Variants in CACNA1S observed in about 807,000 individuals in gnomAD.
CACNA1S encodes calcium voltage-gated channel subunit alpha1 S, also known as voltage-dependent L-type calcium channel subunit alpha-1S.
Under a neutral mutation model 207.4 loss-of-function variants are expected in CACNA1S, and 126 were observed. The observed-to-expected ratio is 0.61, with a 90% CI of 0.53 to 0.70. The LOEUF (loss-of-function observed/expected upper bound fraction) is 0.70, where lower values mean the gene tolerates loss of function less well. Among genes scored for constraint, CACNA1S ranks in the 30% least tolerant of loss-of-function variants. The pLI, the probability that CACNA1S is intolerant of heterozygous loss-of-function variation, is 0.00. For synonymous variants in CACNA1S, 960 were observed against 932.7 expected (o/e 1.03, Z -0.53); for missense variants, 2,349 against 2,422.8 (o/e 0.97, Z 0.64).
intron 33 of CACNA1S, 117 bp from the exon 34 acceptor site, chr1:201,050,633 C>A: frequency 8.3e-7 from 1 of 1,209,806 alleles, no homozygotes. Flanking sequence ...GCCCTTGATT[C>A]TAGCCCTTCT....
At chr1:201,061,044 TC>T (rs1480931674) in intron 25 of CACNA1S, among the ~76,000 whole-genome samples, 1 of 152,242 alleles carries the variant, frequency 6.6e-6, no homozygotes, top group Admixed American at 6.5e-5. Context: ...CTGAAGGGCT[TC>T]CTTTCTCTGG....
rs754689047 is a variant in CACNA1S, at chr1:201,083,208, G to A, written c.1347C>T (p.Ile449=). 33 of 1,614,088 alleles carry A rather than the reference G, an allele frequency of 2.0e-5. No homozygotes were observed. Among genetic ancestry groups the A allele is most frequent in the Admixed American group, 5.0e-5 (3 of 60,010 alleles). The stretch of plus-strand genomic sequence containing the variant: ...GAGGCTGGTTGTGGTGCTCTGAGGC[G>A]ATAGACAGGGTGTTGAGGGCAACGA... ...ILIVALNTLS[I]ASEHHNQPLW... is the part of the protein sequence containing the mutation. Residue 449 remains isoleucine, a synonymous_variant, in exon 10 of 44, where the codon ATC becomes ATT. Coordinates refer to ENST00000362061, the MANE Select transcript of CACNA1S (RefSeq NM_000069.3).
chr1:201,073,317 G>A (rs1661485373), intron 15 of CACNA1S, among the ~76,000 whole-genome samples: 1 of 146,570 alleles, frequency 6.8e-6, no homozygotes, highest in African/African-American at 2.5e-5. Context: ...AAGCTGCTAC[G>A]CTGGAGAAGT....
At chr1:201,089,200 T>C in intron 6 of CACNA1S, 58 bp downstream of exon 6, 1 of 1,558,074 alleles carries the variant, frequency 6.4e-7, no homozygotes, top group South Asian at 1.1e-5. Context: ...CCCTCCCCAC[T>C]CCCTTGCAAG....
chr1:201,077,159 G>A, intron 11 of CACNA1S, 32 bp from the exon 12 acceptor site: 7 of 1,583,556 alleles, frequency 4.4e-6, no homozygotes, highest in Non-Finnish European at 6.1e-6. Flanking sequence ...GGTGGGAGGA[G>A]ACAGACCCTC....
intron 2 of CACNA1S, among the ~76,000 whole-genome samples, chr1:201,100,053 G>A (rs547340924): frequency 6.6e-5 from 10 of 152,228 alleles, no homozygotes; most frequent in African/African-American, 2.4e-4. Flanking sequence ...TGAGACCCAG[G>A]GCCTGGGCAC....
In CACNA1S at chr1:201,066,635, G is replaced by A. The variant is rs192154366; in HGVS notation, c.2657+252C>T. 1.8e-4 allele frequency among the ~76,000 whole-genome samples: 27 copies of A among 152,298 alleles called. No homozygotes were observed. Among genetic ancestry groups the A allele is most frequent in the African/African-American group, 4.3e-4 (18 of 41,580 alleles). On this transcript the variant is annotated intron_variant, in intron 20 of 43. Transcript: ENST00000362061. The surrounding 1 kb of genome is among the most constrained non-coding windows in gnomAD (Gnocchi z 4.3). ...CAGGGGCTGTGCTCCCCACAGGGTC[G>A]GGGAGGGAGGGACCACTTCCTCCTC... is the stretch of plus-strand genomic sequence containing the variant.
chr1:201,103,675 C>T (rs1662763380), intron 2 of CACNA1S, among the ~76,000 whole-genome samples: 2 of 152,296 alleles, frequency 1.3e-5, no homozygotes, highest in South Asian at 4.2e-4. Context: ...CTCAAACCAC[C>T]CTGTGCTCTG....
At chr1:201,070,238 T>C in intron 17 of CACNA1S, 34 bp downstream of exon 17, 1 of 1,613,114 alleles carries the variant, frequency 6.2e-7, no homozygotes, top group Non-Finnish European at 8.5e-7. Flanking sequence ...GAGAGCCGCA[T>C]CAATCACCCC....
At position 201,084,934 on chromosome 1, in the gene CACNA1S, G is replaced by A. The variant is rs1661976464; in HGVS notation, c.1232+16C>T. 1 of 1,592,950 alleles carries A rather than the reference G, an allele frequency of 6.3e-7. No homozygotes were observed. Among genetic ancestry groups the A allele is most frequent in the Admixed American group, 1.7e-5 (1 of 59,996 alleles). ...CTGGGGGTTGGGGGTTCCTGGGGCA[G>A]TGGGCAGATACTCACATGAACTGGA... On this transcript the variant is annotated intron_variant, in intron 9 of 43. Transcript: ENST00000362061.
chr1:201,073,875 T>C (rs918297423), intron 14 of CACNA1S, among the ~76,000 whole-genome samples: 3 of 152,140 alleles, frequency 2.0e-5, no homozygotes, highest in African/African-American at 7.2e-5. Flanking sequence ...TGGTCAGCCA[T>C]GTTTAACGTT....
Position 201,040,611 on chromosome 1 carries a change from G to C in CACNA1S, c.5226+11C>G. The C allele has an allele frequency of 6.2e-7, 1 of 1,611,888 alleles. No homozygotes were observed. The highest frequency in any genetic ancestry group is 8.5e-7 in the Non-Finnish European group (1 of 1,178,300). On this transcript the variant is annotated intron_variant, in intron 42 of 43. Transcript: ENST00000362061. ...GTATGGAGTTTGCTCCCAGGCCTCT[G>C]CCACTGTTACCTGGCAGGGGGCAGG...
At chr1:201,082,293 C>T (rs1192175779) in intron 10 of CACNA1S, among the ~76,000 whole-genome samples, 1 of 152,062 alleles carries the variant, frequency 6.6e-6, no homozygotes, top group Non-Finnish European at 1.5e-5. Flanking sequence ...TCCCAAACTG[C>T]TGGGATTACA....
At position 201,112,183 on chromosome 1, in the gene CACNA1S, G is replaced by A; in HGVS notation, c.152+5C>T. ...CCCCCCCACGGCCCGGGCCCTGAAG[G>A]ATACTTCCATTCTACAATGCTGATG... On this transcript the variant is annotated splice_donor_5th_base_variant and intron_variant, in intron 1 of 43. Transcript: ENST00000362061. 6.2e-7 allele frequency: 1 copy of A among 1,612,858 alleles called. No homozygotes were observed. The highest frequency in any genetic ancestry group is 8.5e-7 in the Non-Finnish European group (1 of 1,179,278).
In CACNA1S at chr1:201,052,717, C is replaced by T. The variant is rs59596965; in HGVS notation, c.3862-69G>A. The T allele has an allele frequency of 1.1e-3, 1,317 of 1,252,656 alleles. 12 individuals carry two copies. In the African/African-American group the frequency reaches 0.017, roughly 16 times the overall value. 77.6% of individuals were successfully genotyped at this position (1,252,656 alleles called of 1,614,324 possible). A position where few individuals can be genotyped will look rare whatever the true frequency, so the allele number is the denominator to read the frequency against. ...TGTCCCCTCAGCTTATCCCCCACTG[C>T]CTTCTCCTGCCTGACCCCTACCTTC... is the stretch of plus-strand genomic sequence containing the variant. On this transcript the variant is annotated intron_variant, in intron 31 of 43. Transcript: ENST00000362061.
intron 28 of CACNA1S, among the ~76,000 whole-genome samples, chr1:201,057,247 C>A (rs1053637535): frequency 2.6e-5 from 4 of 152,252 alleles, no homozygotes; most frequent in African/African-American, 9.6e-5. Flanking sequence ...GCCTCCTGCT[C>A]TTCCTCAAAC....
chr1:201,094,873 C>G (rs928893415), intron 2 of CACNA1S, among the ~76,000 whole-genome samples: 2 of 152,030 alleles, frequency 1.3e-5, no homozygotes, highest in African/African-American at 4.8e-5. Flanking sequence ...TCTGGGTTAC[C>G]CTATCCTTGG....
At chr1:201,081,236 C>T (rs7516825) in intron 10 of CACNA1S, among the ~76,000 whole-genome samples, 46,133 of 152,186 alleles carry the variant, frequency 0.3, 8,319 homozygotes, top group Non-Finnish European at 0.42. Flanking sequence ...TAGGCCTAGG[C>T]CTAAAATGTC....
chr1:201,083,615 G>A lies in CACNA1S; in HGVS notation c.1233-293C>T, dbSNP rs12743376. Among the ~76,000 whole-genome samples, 36,433 of 152,126 alleles carry A rather than the reference G, an allele frequency of 0.24. 5,838 individuals carry two copies. The highest frequency in any genetic ancestry group is 0.37 in the Non-Finnish European group (25,086 of 67,970). On this transcript the variant is annotated intron_variant, in intron 9 of 43. Coordinates refer to ENST00000362061, the MANE Select transcript of CACNA1S (RefSeq NM_000069.3). ...AGACGCTCCGTGTGGTTTAATTTTA[G>A]TTAAAGCAACTCTGAGATGCCACGT...
Sources: gnomAD v4.1 joint callset for allele counts (sites outside exome capture counted in the v4.1 genomes callset) on GRCh38, gnomAD v4.1.1 for gene constraint, Gnocchi (gnomAD v3.1) non-coding constraint, MANE v1.5 for transcripts, NCBI Gene and HGNC (gene_info 2026-07-23, HGNC 2026-07-21) for gene names.